MAGI2: variants seen among roughly 807,000 people sequenced by gnomAD.
MAGI2 encodes the protein membrane-associated guanylate kinase, WW and PDZ domain-containing protein 2.
In MAGI2, 35 loss-of-function variants were observed where a neutral mutation model predicts 133.3. The ratio of observed to expected loss-of-function variants is 0.26; its 90% CI spans 0.20 to 0.35. MAGI2 has a LOEUF of 0.35. Among genes scored for constraint, MAGI2 ranks in the 10% least tolerant of loss-of-function variants. MAGI2 has a pLI of 1.00. For missense variants in MAGI2, 1,636 were observed against 1,863.4 expected, an observed-to-expected ratio of 0.88 and a Z score of 2.25; for synonymous variants, 729 against 710.6, an observed-to-expected ratio of 1.03 and a Z score of -0.41.
At chr7:78,497,722 T>TCTATCTATCTATCTA (rs1794221181) in intron 5 of MAGI2, among the ~76,000 whole-genome samples, 1 of 97,202 alleles carries the variant, frequency 1.0e-5, no homozygotes, top group South Asian at 4.2e-4. Flanking sequence ...GAAATAACTA[T>TCTATCTATCTATCTA]TCTATCTATC....
At chr7:79,403,809 C>T (rs1377154687) in intron 1 of MAGI2, among the ~76,000 whole-genome samples, 1 of 152,080 alleles carries the variant, frequency 6.6e-6, no homozygotes, top group Non-Finnish European at 1.5e-5. Context: ...TCTGATAAGT[C>T]AACATTAAAT....
intron 2 of MAGI2, among the ~76,000 whole-genome samples, chr7:78,892,602 C>A (rs902887209): frequency 1.3e-5 from 2 of 152,204 alleles, no homozygotes; most frequent in African/African-American, 4.8e-5. Context: ...GGATCTTTGA[C>A]AAGCCTGACA....
chr7:79,121,930 A>G (rs1160670075), intron 1 of MAGI2, among the ~76,000 whole-genome samples: 1 of 152,128 alleles, frequency 6.6e-6, no homozygotes, highest in Admixed American at 6.6e-5. Flanking sequence ...TTCACATTCG[A>G]TAATATAAAG....
At chr7:78,784,103 C>A (rs1826615540) in intron 2 of MAGI2, among the ~76,000 whole-genome samples, 1 of 151,982 alleles carries the variant, frequency 6.6e-6, no homozygotes, top group Admixed American at 6.6e-5. Flanking sequence ...TATAACCATC[C>A]AATTAGGTAG....
intron 3 of MAGI2, among the ~76,000 whole-genome samples, chr7:78,602,673 A>G (rs1563227979): frequency 6.6e-6 from 1 of 152,192 alleles, no homozygotes; most frequent in African/African-American, 2.4e-5. Context: ...AATGTATGTA[A>G]GATTGGCCAC....
intron 1 of MAGI2, among the ~76,000 whole-genome samples, chr7:79,074,144 T>C (rs1352746761): frequency 6.6e-6 from 1 of 152,202 alleles, no homozygotes; most frequent in Non-Finnish European, 1.5e-5. Context: ...TCATTTTACC[T>C]TGTTGCCACC....
chr7:78,166,970 C>A (rs905510360), intron 15 of MAGI2, among the ~76,000 whole-genome samples: 18 of 152,102 alleles, frequency 1.2e-4, no homozygotes, highest in African/African-American at 3.9e-4. Context: ...TCAGTTTCTT[C>A]ATCTGTAACA....
At chr7:78,804,469 C>T (rs1182476636) in intron 2 of MAGI2, among the ~76,000 whole-genome samples, 2 of 151,616 alleles carry the variant, frequency 1.3e-5, no homozygotes, top group Admixed American at 1.3e-4. Context: ...AAACTTTGGG[C>T]CAGGCACGGT....
chr7:78,875,917 T>C (rs927599890), intron 2 of MAGI2, among the ~76,000 whole-genome samples: 2 of 152,224 alleles, frequency 1.3e-5, no homozygotes, highest in Non-Finnish European at 2.9e-5. Context: ...AGAATCATTC[T>C]ACAGATTAGA....
At chr7:79,015,483 G>T (rs1454901476) in intron 1 of MAGI2, among the ~76,000 whole-genome samples, 1 of 152,090 alleles carries the variant, frequency 6.6e-6, no homozygotes, top group East Asian at 1.9e-4. Flanking sequence ...CTCCAGCTTT[G>T]TTTTTGATTG....
chr7:78,872,090 C>T (rs1307228285), intron 2 of MAGI2, among the ~76,000 whole-genome samples: 1 of 149,158 alleles, frequency 6.7e-6, no homozygotes. Context: ...ATACTTTTAC[C>T]TTCTTTCCTC....
At position 78,873,957 on chromosome 7, in the gene MAGI2, T is replaced by C. The variant is rs531699892; in HGVS notation, c.418+133133A>G. 7.2e-5 allele frequency among the ~76,000 whole-genome samples: 11 copies of C among 152,168 alleles called. No homozygotes were observed. The East Asian group carries it at 1.9e-3, about 27-fold the overall frequency. ...TTATTTCCAGATAATCACTACCTACTAGAAAAACCCAAGAATAAATTGAAA... is the reference window on the plus strand; with the variant it reads ...TTATTTCCAGATAATCACTACCTACCAGAAAAACCCAAGAATAAATTGAAA... On this transcript the variant is annotated intron_variant, in intron 2 of 21. Coordinates refer to ENST00000354212, the MANE Select transcript of MAGI2 (RefSeq NM_012301.4).
chr7:78,675,782 T>C (rs931905590), intron 2 of MAGI2, among the ~76,000 whole-genome samples: 3 of 152,172 alleles, frequency 2.0e-5, no homozygotes, highest in Non-Finnish European at 4.4e-5. Flanking sequence ...TTGATAACCA[T>C]CATCCTTCTT....
intron 11 of MAGI2, among the ~76,000 whole-genome samples, chr7:78,197,628 A>G (rs1209012409): frequency 6.6e-6 from 1 of 152,206 alleles, no homozygotes; most frequent in Non-Finnish European, 1.5e-5. Flanking sequence ...TGTAGCACAG[A>G]GATTGGGGAA....
chr7:78,847,419 G>T (rs377665123), intron 2 of MAGI2, among the ~76,000 whole-genome samples: 11 of 151,986 alleles, frequency 7.2e-5, no homozygotes, highest in African/African-American at 1.9e-4. Context: ...AGATAATAAA[G>T]GGTTATTTTA....
chr7:78,375,913 G>A (rs1794407579), intron 6 of MAGI2, among the ~76,000 whole-genome samples: 1 of 152,142 alleles, frequency 6.6e-6, no homozygotes, highest in African/African-American at 2.4e-5. Context: ...AAAGGAGGAA[G>A]AGAAAGATCA....
chr7:78,619,264 A>T (rs1287721382), intron 3 of MAGI2, among the ~76,000 whole-genome samples: 1 of 151,844 alleles, frequency 6.6e-6, no homozygotes, highest in Admixed American at 6.6e-5. Flanking sequence ...CATGAGTGTA[A>T]GAAAAATGAA....
intron 9 of MAGI2, among the ~76,000 whole-genome samples, chr7:78,275,274 C>T (rs1794952662): frequency 6.6e-6 from 1 of 152,176 alleles, no homozygotes; most frequent in Non-Finnish European, 1.5e-5. Flanking sequence ...CTGTGGGCTG[C>T]ACCCACTGTC....
At chr7:78,253,315 G>A (rs1176727753) in intron 10 of MAGI2, 2 of 152,310 alleles carry the variant, frequency 1.3e-5, no homozygotes, top group South Asian at 4.1e-4. Flanking sequence ...ATTATATACT[G>A]TATGATTCCA....
Sources: gnomAD v4.1 joint callset for allele counts (sites outside exome capture counted in the v4.1 genomes callset) on GRCh38, gnomAD v4.1.1 for gene constraint, MANE v1.5 for transcripts, NCBI Gene and HGNC (gene_info 2026-07-23, HGNC 2026-07-21) for gene names.